Variants in AMD1 observed in about 807,000 individuals in gnomAD.
AMD1 encodes adenosylmethionine decarboxylase 1, also known as S-adenosylmethionine decarboxylase proenzyme.
AMD1 carries 11 observed loss-of-function variants against 40.2 expected under a neutral mutation model. The observed-to-expected ratio is 0.27, with a 90% CI of 0.17 to 0.45. The LOEUF (loss-of-function observed/expected upper bound fraction) is 0.45, where lower values mean the gene tolerates loss of function less well. Among genes scored for constraint, AMD1 ranks in the 20% least tolerant of loss-of-function variants. The probability of loss-of-function intolerance (pLI) is 1.00; values close to 1 mark genes in which losing one functional copy is unlikely to be tolerated. For synonymous variants in AMD1, 121 were observed against 130.8 expected, an observed-to-expected ratio of 0.93 and a Z score of 0.51; for missense variants, 257 against 410.2, an observed-to-expected ratio of 0.63 and a Z score of 3.23.
At chr6:110,886,735 T>C (rs753037122) in intron 1 of AMD1, among the ~76,000 whole-genome samples, 3 of 152,228 alleles carry the variant, frequency 2.0e-5, no homozygotes, top group Non-Finnish European at 2.9e-5. Context: ...ATTGCACCAC[T>C]GCACTTCAAC....
chr6:110,834,268 G>A, the AMD1 span, among the ~76,000 whole-genome samples: 2 of 152,200 alleles, frequency 1.3e-5, no homozygotes, highest in South Asian at 4.1e-4. Context: ...GTGCCCCGGA[G>A]TCCCAGGCTG....
At chr6:110,819,801 C>T in the AMD1 span, among the ~76,000 whole-genome samples, 10 of 152,316 alleles carry the variant, frequency 6.6e-5, no homozygotes, top group African/African-American at 2.2e-4. Flanking sequence ...ATCATAAAGA[C>T]TCCACTGATA....
chr6:110,892,218 A>G lies in AMD1; in HGVS notation c.470+15A>G, dbSNP rs138612744. ...TCTGACTGTTGGTATGTTTAATGCAATTTTGTGGATTTTTGTTGTCCTATG... is the reference window on the plus strand; with the variant it reads ...TCTGACTGTTGGTATGTTTAATGCAGTTTTGTGGATTTTTGTTGTCCTATG... On this transcript the variant is annotated intron_variant, in intron 5 of 8. Coordinates refer to ENST00000368885, the MANE Select transcript of AMD1 (RefSeq NM_001634.6). 2 of 1,613,762 alleles carry G rather than the reference A, an allele frequency of 1.2e-6. No individual in the cohort carries two copies. The highest frequency in any genetic ancestry group is 2.7e-5 in the African/African-American group (2 of 75,054).
chr6:110,884,693 C>T (rs1166506300), intron 1 of AMD1, among the ~76,000 whole-genome samples: 1 of 151,952 alleles, frequency 6.6e-6, no homozygotes, highest in African/African-American at 2.4e-5. Flanking sequence ...GCCTCTGAAC[C>T]ACAGTGCCTG....
At chr6:110,878,304 T>C (rs1236890548) in intron 1 of AMD1, among the ~76,000 whole-genome samples, 3 of 152,230 alleles carry the variant, frequency 2.0e-5, no homozygotes, top group Non-Finnish European at 4.4e-5. Context: ...TGTGAGGGAA[T>C]ACACTTTAAA....
intron 3 of AMD1, 25 bp from the exon 4 acceptor site, chr6:110,890,229 T>G: frequency 1.4e-6 from 2 of 1,479,424 alleles, no homozygotes; most frequent in Non-Finnish European, 9.2e-7. Flanking sequence ...ATCTTTTTTT[T>G]TCTTTCTTTT....
chr6:110,836,248 A>G, the AMD1 span, among the ~76,000 whole-genome samples: 1 of 152,130 alleles, frequency 6.6e-6, no homozygotes, highest in Non-Finnish European at 1.5e-5. Context: ...ACAACAAAAA[A>G]TCAATGCTCA....
At chr6:110,857,239 A>T in the AMD1 span, among the ~76,000 whole-genome samples, 1 of 151,988 alleles carries the variant, frequency 6.6e-6, no homozygotes, top group Non-Finnish European at 1.5e-5. Context: ...GCTCCACATA[A>T]AAATATCACT....
At chr6:110,868,596 A>G in the AMD1 span, among the ~76,000 whole-genome samples, 1 of 152,118 alleles carries the variant, frequency 6.6e-6, no homozygotes, top group Non-Finnish European at 1.5e-5. Context: ...CCTATGTCTG[A>G]TAAACTGAAA....
intron 1 of AMD1, among the ~76,000 whole-genome samples, chr6:110,877,251 A>G (rs759528992): frequency 3.9e-5 from 6 of 152,262 alleles, no homozygotes; most frequent in East Asian, 1.9e-4. Context: ...TAACTGTTGT[A>G]GATAAAGCAA....
Position 110,893,596 on chromosome 6 carries a change from C to A in AMD1, c.985C>A (p.Gln329Lys). The A allele has an allele frequency of 6.2e-7, 1 of 1,613,594 alleles. No homozygotes were observed. The highest frequency in any genetic ancestry group is 1.1e-5 in the South Asian group (1 of 91,074). ...TGTTTTTACCAGTTTTGCTAAGAAG[C>A]AGCAACAACAGCAGAGTTGATTAAG... ...NFVFTSFAKKQQQQQS is the reference protein window; with the variant it reads ...NFVFTSFAKKKQQQQS Residue 329 changes from glutamine (Q) to lysine (K), a missense_variant, in exon 9 of 9, where the codon CAG becomes AAG. Gln to Lys is a moderately conservative substitution (Grantham distance 53). Coordinates refer to ENST00000368885, the MANE Select transcript of AMD1 (RefSeq NM_001634.6).
chr6:110,831,521 T>C, the AMD1 span, among the ~76,000 whole-genome samples: 2 of 152,090 alleles, frequency 1.3e-5, no homozygotes, highest in Non-Finnish European at 2.9e-5. Flanking sequence ...TCTCTAACTC[T>C]TGGGCTCAAG....
the AMD1 span, among the ~76,000 whole-genome samples, chr6:110,854,942 T>G: frequency 6.6e-6 from 1 of 152,150 alleles, no homozygotes; most frequent in Non-Finnish European, 1.5e-5. Flanking sequence ...AATTGTGGAT[T>G]TCAAATAAAT....
the AMD1 span, chr6:110,815,260 G>T: frequency 9.8e-7 from 1 of 1,022,938 alleles, no homozygotes; most frequent in Non-Finnish European, 1.3e-6. Flanking sequence ...CGCGCGCGCC[G>T]CCCGCCGCCC....
the AMD1 span, among the ~76,000 whole-genome samples, chr6:110,817,585 G>A: frequency 6.6e-6 from 1 of 152,044 alleles, no homozygotes; most frequent in Admixed American, 6.6e-5. Context: ...CTCCAGCCTG[G>A]GCAACAGAGC....
the AMD1 span, among the ~76,000 whole-genome samples, chr6:110,845,038 C>CTTT: frequency 5.5e-4 from 67 of 122,240 alleles, no homozygotes; most frequent in South Asian, 5.2e-3. Context: ...TGCCACAGAC[C>CTTT]TTTTTTTTTT....
the AMD1 span, among the ~76,000 whole-genome samples, chr6:110,832,456 G>A: frequency 2.0e-5 from 3 of 152,006 alleles, no homozygotes; most frequent in African/African-American, 7.2e-5. Flanking sequence ...TGGCCTACAT[G>A]CAATTCTTCA....
chr6:110,872,034 G>A (rs1042865615), upstream of AMD1, among the ~76,000 whole-genome samples: 1 of 152,206 alleles, frequency 6.6e-6, no homozygotes, highest in Admixed American at 6.5e-5. Flanking sequence ...ATAGTTAATT[G>A]TGTCAGAAGC....
At chr6:110,892,686 A>G (rs1234424613) in intron 6 of AMD1, 49 bp from the exon 7 acceptor site, 3 of 1,591,918 alleles carry the variant, frequency 1.9e-6, no homozygotes, top group Admixed American at 3.4e-5. Context: ...GACTCAATTG[A>G]AGTTTATTTG....
Sources: allele counts gnomAD v4.1 joint callset (sites outside exome capture counted in the v4.1 genomes callset), GRCh38; gene constraint gnomAD v4.1.1; transcripts MANE v1.5; gene names NCBI Gene and HGNC (gene_info 2026-07-23, HGNC 2026-07-21).